The following ABCC9 variants were observed in gnomAD, a reference collection of about 807,000 sequenced individuals.
ABCC9 encodes the protein ATP binding cassette subfamily C member 9, also known as ATP-binding cassette sub-family C member 9.
ABCC9 carries 95 observed loss-of-function variants against 188.3 expected under a neutral mutation model. The ratio of observed to expected loss-of-function variants is 0.50; its 90% CI spans 0.43 to 0.60. The LOEUF (loss-of-function observed/expected upper bound fraction) is 0.60. ABCC9 is among the 20% of genes least tolerant of loss of function. The pLI, the probability that ABCC9 is intolerant of heterozygous loss-of-function variation, is 0.00. For missense variants in ABCC9, 1,102 were observed against 1,876.3 expected (o/e 0.59, Z 7.62); for synonymous variants, 659 against 652.7 (o/e 1.01, Z -0.15).
chr12:21,863,408 T>C (rs1425756240), intron 19 of ABCC9, among the ~76,000 whole-genome samples: 2 of 152,176 alleles, frequency 1.3e-5, no homozygotes, highest in Non-Finnish European at 2.9e-5. Context: ...TTTTACTTTA[T>C]ACTAATAGCA....
In ABCC9 at chr12:21,820,352, T is replaced by A. The variant is rs536918470; in HGVS notation, c.3670-2101A>T. Among the ~76,000 whole-genome samples, 6 of 152,154 alleles carry A rather than the reference T, an allele frequency of 3.9e-5. No homozygotes were observed. In the South Asian group the frequency reaches 8.3e-4, roughly 21 times the overall value. ...CTTTCATTAACTTCTATTCTCTACC[T>A]CCTGCCAGCTGACTTCATCCATCCA... On this transcript the variant is annotated intron_variant, in intron 31 of 39. Transcript: ENST00000261200.
intron 16 of ABCC9, among the ~76,000 whole-genome samples, chr12:21,881,308 G>T (rs750283919): frequency 6.6e-5 from 10 of 152,128 alleles, no homozygotes; most frequent in Non-Finnish European, 1.5e-4. Flanking sequence ...CAATTTGTGA[G>T]CTTTCACCGT....
Position 21,915,514 on chromosome 12 carries a change from A to ATATATATTTTTTTT in ABCC9, c.816+153_816+154insAAAAAAAATATATA. On this transcript the variant is annotated intron_variant, in intron 7 of 39. Coordinates refer to ENST00000261200, the MANE Select transcript of ABCC9 (RefSeq NM_020297.4). ...TGTGTGTGTGTGTATATATATATAT[A>ATATATATTTTTTTT]TTTTTTTTTTTTTTTTGAGACAGAG... Among the ~76,000 whole-genome samples, 2 of 3,520 alleles carry ATATATATTTTTTTT rather than the reference A, an allele frequency of 5.7e-4. 1 individual carries two copies. The highest frequency in any genetic ancestry group is 0.042 in the East Asian group (2 of 48). The allele number at this position is 3,520 out of a possible 152,430, so 2.3% of individuals were successfully genotyped here. A position where few individuals can be genotyped will look rare whatever the true frequency, so the allele number is the denominator to read the frequency against.
At position 21,913,078 on chromosome 12, in the gene ABCC9, A is replaced by G. The variant is rs775774825; in HGVS notation, c.817-12T>C. ...TCTGCAACTTTTTTCTGAAGAAAAA[A>G]AAAAGAAAAAAAAAACAGATGTAAC... On this transcript the variant is annotated splice_polypyrimidine_tract_variant and intron_variant, in intron 7 of 39. Coordinates refer to ENST00000261200, the MANE Select transcript of ABCC9 (RefSeq NM_020297.4). 2.1e-5 allele frequency: 34 copies of G among 1,594,352 alleles called. No individual in the cohort carries two copies. The Middle Eastern group carries it at 8.4e-4, about 39-fold the overall frequency.
In ABCC9 at chr12:21,910,877, A is replaced by G. The variant is rs1272856150; in HGVS notation, c.1113T>C (p.Ala371=). ...CAGTCTCTATGGTTACATAGTAGGA[A>G]GCCTGCAAAAATGTCCTTTGCAGAA... The part of the protein sequence containing the change: ...ALILQRTFLQ[A]SYYVTIETGI... Residue 371 remains alanine, a synonymous_variant, in exon 9 of 40, where the codon GCT becomes GCC. Transcript: ENST00000261200. 1 of 1,612,524 alleles carries G rather than the reference A, an allele frequency of 6.2e-7. No homozygotes were observed. Among genetic ancestry groups the G allele is most frequent in the East Asian group, 2.2e-5 (1 of 44,834 alleles).
intron 31 of ABCC9, among the ~76,000 whole-genome samples, chr12:21,825,969 A>G (rs1186268640): frequency 6.6e-6 from 1 of 152,156 alleles, no homozygotes; most frequent in Non-Finnish European, 1.5e-5. Context: ...AAAGATAGCC[A>G]CAGAAAGCAA....
chr12:21,932,175 A>C (rs1259837064), intron 4 of ABCC9, among the ~76,000 whole-genome samples: 3 of 152,100 alleles, frequency 2.0e-5, no homozygotes, highest in African/African-American at 7.2e-5. Context: ...TTTTGTTACT[A>C]TATGAGAAAA....
chr12:21,893,572 G>A (rs1161020021), intron 14 of ABCC9, among the ~76,000 whole-genome samples: 2 of 152,108 alleles, frequency 1.3e-5, no homozygotes, highest in Non-Finnish European at 2.9e-5. Flanking sequence ...ATTAGAACTA[G>A]TATCCCCACT....
In ABCC9 at chr12:21,887,862, C is replaced by A. The variant is rs727502873; in HGVS notation, c.1875G>T (p.Ser625=). The part of the protein sequence containing the change: ...GDDSWRTGES[S]LPFESCKKHT... ...GCTTCTTACAGGACTCAAAAGGAAGCGAACTTTCACCAGTTCGCCAACTGT... is the reference window on the plus strand; with the variant it reads ...GCTTCTTACAGGACTCAAAAGGAAGAGAACTTTCACCAGTTCGCCAACTGT... Residue 625 remains serine (S), a synonymous_variant, in exon 15 of 40, where the codon TCG becomes TCT. Coordinates refer to ENST00000261200, the MANE Select transcript of ABCC9 (RefSeq NM_020297.4). 6.2e-7 allele frequency: 1 copy of A among 1,613,376 alleles called. No homozygotes were observed. The highest frequency in any genetic ancestry group is 1.1e-5 in the South Asian group (1 of 91,072).
At chr12:21,916,444 T>C (rs1189322361) in intron 6 of ABCC9, among the ~76,000 whole-genome samples, 1 of 152,188 alleles carries the variant, frequency 6.6e-6, no homozygotes, top group Non-Finnish European at 1.5e-5. Flanking sequence ...TGGTGGAAAG[T>C]ACAATCAATA....
chr12:21,873,375 A>G (rs1264866424), intron 17 of ABCC9, among the ~76,000 whole-genome samples: 3 of 152,186 alleles, frequency 2.0e-5, no homozygotes, highest in African/African-American at 7.2e-5. Context: ...CAAGGAAGTG[A>G]AAAACATATA....
At chr12:21,878,860 TC>T (rs1946495189) in intron 16 of ABCC9, among the ~76,000 whole-genome samples, 1 of 152,140 alleles carries the variant, frequency 6.6e-6, no homozygotes, top group Admixed American at 6.5e-5. Flanking sequence ...CATTTACACT[TC>T]CATTCCCTCC....
At chr12:21,822,323 T>G (rs1043992114) in intron 31 of ABCC9, among the ~76,000 whole-genome samples, 11 of 152,072 alleles carry the variant, frequency 7.2e-5, no homozygotes, top group Non-Finnish European at 1.6e-4. Context: ...CTGTTTTTTT[T>G]TTTTCTAAAG....
chr12:21,825,396 A>C (rs936524111), intron 31 of ABCC9, among the ~76,000 whole-genome samples: 5 of 152,234 alleles, frequency 3.3e-5, no homozygotes, highest in Non-Finnish European at 7.3e-5. Context: ...ACCAACCCAA[A>C]TGCCCATCAA....
rs774026262 is a variant in ABCC9 at position 21,933,810 on chromosome 12, C to G, written c.256G>C (p.Glu86Gln). 1.5e-5 allele frequency: 25 copies of G among 1,613,474 alleles called. No individual in the cohort carries two copies. The South Asian group carries it at 2.5e-4, about 16-fold the overall frequency. The change falls in exon 4 of 40, where the codon GAA (glutamate) becomes CAA (glutamine). Residue 86 changes from glutamate (E) to glutamine (Q), a missense_variant. Glu to Gln is a conservative substitution (Grantham distance 29). This residue lies in a region of ABCC9 where 305 missense variants were observed against 573.0 expected (regional missense o/e 0.53). Transcript: ENST00000261200. The part of the protein sequence containing the change: ...TFALLFVHVC[E>Q]IAEGIVSDSR... ...TCTGAAACAATGCCTTCTGCTATTT[C>G]ACAGACATGCACAAACAGGAGAGCG...
intron 14 of ABCC9, 106 bp downstream of exon 14, chr12:21,893,926 T>C (rs1947286203): frequency 8.9e-7 from 1 of 1,128,348 alleles, no homozygotes; most frequent in East Asian, 2.6e-5. Flanking sequence ...GGTTGTCTCC[T>C]GGCAGTGATT....
chr12:21,842,357 C>T lies in ABCC9; in HGVS notation c.3430G>A (p.Val1144Ile). The change falls in exon 29 of 40, where the codon GTT becomes ATT. Residue 1144 changes from valine (V) to isoleucine (I), a missense_variant. Val to Ile is a conservative substitution (Grantham distance 29, BLOSUM62 3). Around this residue, in one of 12 missense-constraint regions of ABCC9, gnomAD observed 12 missense variants for 57.2 expected, o/e 0.21. Coordinates refer to ENST00000261200, the MANE Select transcript of ABCC9 (RefSeq NM_020297.4). The part of the protein sequence containing the change: ...VFLVALLPLG[V>I]AFYFIQKYFR... Reference sequence around the variant, plus strand: ...TATTTCTGGATAAAATAAAAGGCAACACCAAGGGGCAGGAGAGCAACCAGG... The same window carrying T: ...TATTTCTGGATAAAATAAAAGGCAATACCAAGGGGCAGGAGAGCAACCAGG... 6.2e-7 allele frequency: 1 copy of T among 1,614,028 alleles called. No homozygotes were observed. The highest frequency in any genetic ancestry group is 8.5e-7 in the Non-Finnish European group (1 of 1,179,996).
chr12:21,813,282 C>T (rs915761287), intron 35 of ABCC9, among the ~76,000 whole-genome samples: 1 of 152,122 alleles, frequency 6.6e-6, no homozygotes, highest in African/African-American at 2.4e-5. Context: ...GATGTTGTTT[C>T]TCCACCATGA....
chr12:21,901,364 A>C (rs995798990), intron 12 of ABCC9, among the ~76,000 whole-genome samples: 2 of 152,214 alleles, frequency 1.3e-5, no homozygotes, highest in Admixed American at 6.5e-5. Context: ...CAAATTTTAA[A>C]GCCCATCGAT....
Sources: allele counts gnomAD v4.1 joint callset (sites outside exome capture counted in the v4.1 genomes callset), GRCh38; gene constraint gnomAD v4.1.1; regional missense constraint gnomAD v4.1.1; transcripts MANE v1.5; gene names NCBI Gene and HGNC (gene_info 2026-07-23, HGNC 2026-07-21).